The following SAMHD1 variants were observed in gnomAD, a reference collection of about 807,000 sequenced individuals.
The protein encoded by SAMHD1 is deoxynucleoside triphosphate triphosphohydrolase SAMHD1.
A neutral mutation model predicts 79.6 loss-of-function variants in SAMHD1; 54 were observed. The ratio of observed to expected loss-of-function variants is 0.68; its 90% CI spans 0.55 to 0.85. SAMHD1 has a LOEUF of 0.85. SAMHD1 is among the 40% of genes least tolerant of loss of function. The pLI, the probability that SAMHD1 is intolerant of heterozygous loss-of-function variation, is 0.00. For synonymous variants in SAMHD1, 260 were observed against 264.1 expected, an observed-to-expected ratio of 0.98 and a Z score of 0.15; for missense variants, 663 against 782.7, an observed-to-expected ratio of 0.85 and a Z score of 1.82.
At chr20:36,912,866 T>C (rs1302126476) in intron 9 of SAMHD1, among the ~76,000 whole-genome samples, 1 of 132,350 alleles carries the variant, frequency 7.6e-6, no homozygotes, top group Non-Finnish European at 1.6e-5. Context: ...TCAGCCACTG[T>C]ACCCAGCTAA....
chr20:36,919,368 G>T lies in SAMHD1; in HGVS notation c.848C>A (p.Ser283Ter), dbSNP rs1656506214. The T allele has an allele frequency of 1.2e-6, 2 of 1,613,396 alleles. No homozygotes were observed. The highest frequency in any genetic ancestry group is 1.7e-4 in the Middle Eastern group (1 of 6,014). ...TTAAGCTGTACATAAACTTACCAAT[G>T]AATCTTCGACAGGTGATTCAAGTGG... ...VGPLESPVED[S>*]LWPYKGRPEN... Residue 283 changes from serine to a stop codon, truncating the protein, a stop_gained, in exon 7 of 16, where the codon TCA (serine) becomes TAA (stop). Coordinates refer to ENST00000646673, the MANE Select transcript of SAMHD1 (RefSeq NM_015474.4). LOFTEE classifies it high-confidence loss of function.
At chr20:36,939,275 A>AAG (rs2063625403) in intron 3 of SAMHD1, among the ~76,000 whole-genome samples, 1 of 139,888 alleles carries the variant, frequency 7.1e-6, no homozygotes, top group Non-Finnish European at 1.5e-5. Flanking sequence ...AAAAAAAAAA[A>AAG]AAAAGAAAAG....
intron 5 of SAMHD1, 54 bp from the exon 6 acceptor site, chr20:36,927,306 A>G: frequency 7.2e-7 from 1 of 1,393,600 alleles, no homozygotes; most frequent in Admixed American, 1.8e-5. Flanking sequence ...ACCAACAAAA[A>G]CTTTTTCCTT....
chr20:36,924,855 C>A (rs752774967), intron 6 of SAMHD1, among the ~76,000 whole-genome samples: 5 of 151,668 alleles, frequency 3.3e-5, no homozygotes, highest in Admixed American at 6.6e-5. Context: ...ATAGGATGAA[C>A]TATTAAAAAA....
In SAMHD1 at chr20:36,919,480, T is replaced by C; in HGVS notation, c.736A>G (p.Asn246Asp). 6.2e-7 allele frequency: 1 copy of C among 1,613,628 alleles called. No individual in the cohort carries two copies. Among genetic ancestry groups the C allele is most frequent in the South Asian group, 1.1e-5 (1 of 91,066 alleles). The part of the protein sequence containing the change: ...GSVMMFEHLI[N>D]SNGIKPVMEQ... ...ATGACAGGCTTAATTCCATTAGAAT[T>C]AATAAGGTGCTCAAACATCATAACT... Residue 246 changes from asparagine (N) to aspartate (D), a missense_variant, in exon 7 of 16, where the codon AAT becomes GAT. By Grantham distance (23) the Asn-to-Asp change is conservative (BLOSUM62 1). Transcript: ENST00000646673.
At chr20:36,947,492 AGT>A (rs10608624) in intron 1 of SAMHD1, among the ~76,000 whole-genome samples, 9,260 of 35,318 alleles carry the variant, frequency 0.26, 857 homozygotes, top group Middle Eastern at 0.31. Flanking sequence ...TGTGTGTGTG[AGT>A]GTGTGTGTGT....
chr20:36,936,329 G>C (rs2063603411), intron 3 of SAMHD1, among the ~76,000 whole-genome samples: 1 of 152,078 alleles, frequency 6.6e-6, no homozygotes, highest in Non-Finnish European at 1.5e-5. Context: ...GTTTTTCTTA[G>C]AGATAGGGTC....
chr20:36,924,096 T>C (rs2063522393), intron 6 of SAMHD1, among the ~76,000 whole-genome samples: 1 of 151,810 alleles, frequency 6.6e-6, no homozygotes, highest in Non-Finnish European at 1.5e-5. Flanking sequence ...ACAAAAAATA[T>C]AAAAAATTAG....
intron 4 of SAMHD1, 29 bp downstream of exon 4, chr20:36,935,000 G>A (rs749385084): frequency 6.2e-7 from 1 of 1,609,730 alleles, no homozygotes. Flanking sequence ...CTTAAAAACT[G>A]CAAGTTCCCC....
intron 6 of SAMHD1, among the ~76,000 whole-genome samples, chr20:36,920,413 T>C (rs1050773171): frequency 6.6e-6 from 1 of 152,102 alleles, no homozygotes; most frequent in Non-Finnish European, 1.5e-5. Flanking sequence ...CCTATAACTA[T>C]TCTTTCCCCG....
chr20:36,916,731 A>C lies in SAMHD1; in HGVS notation c.1053T>G (p.Ala351=), dbSNP rs1457455157. 4 of 1,610,950 alleles carry C rather than the reference A, an allele frequency of 2.5e-6. No homozygotes were observed. The highest frequency in any genetic ancestry group is 2.5e-6 in the Non-Finnish European group (3 of 1,177,148). The change falls in exon 9 of 16, where the codon GCT becomes GCG. Residue 351 remains alanine, a synonymous_variant. Coordinates refer to ENST00000646673, the MANE Select transcript of SAMHD1 (RefSeq NM_015474.4). ...CEVDNELRIC[A]RDKEVGNLYD... ...CTCTGGCACAGCTTACCTTATCTCT[A>C]GCACAAATACGCAACTCATTGTCTA...
intron 6 of SAMHD1, among the ~76,000 whole-genome samples, chr20:36,924,998 A>T (rs573232558): frequency 1.1e-4 from 16 of 151,988 alleles, no homozygotes; most frequent in Non-Finnish European, 1.8e-4. Context: ...TCTACTAAAA[A>T]TACAAAAGTC....
intron 3 of SAMHD1, chr20:36,940,685 C>T: frequency 3.1e-6 from 1 of 325,846 alleles, no homozygotes; most frequent in South Asian, 2.7e-5. Flanking sequence ...GATGACAGAG[C>T]AAGACCACAT....
intron 15 of SAMHD1, among the ~76,000 whole-genome samples, chr20:36,896,564 T>C (rs748709715): frequency 7.9e-5 from 12 of 152,004 alleles, no homozygotes; most frequent in South Asian, 2.1e-4. Flanking sequence ...TGGCTGGGCA[T>C]GGTGGCTCAC....
At chr20:36,920,458 TCTTAAAAACAGAATCAGGG>T (rs1230124058) in intron 6 of SAMHD1, among the ~76,000 whole-genome samples, 1 of 152,116 alleles carries the variant, frequency 6.6e-6, no homozygotes, top group African/African-American at 2.4e-5. Flanking sequence ...CAGAAACTAT[TCTTAAAAACAGAATCAGGG>T]CTGTCAGGCC....
chr20:36,951,660 C>T lies in SAMHD1; in HGVS notation c.-17G>A. 3 of 1,612,506 alleles carry T rather than the reference C, an allele frequency of 1.9e-6. No homozygotes were observed. Among genetic ancestry groups the T allele is most frequent in the African/African-American group, 1.3e-5 (1 of 75,032 alleles). ...TCGCTGCATGGCTACACCTGGCGTCCGGCACAGCAGTCAAGAACCTCGGCG... is the reference window on the plus strand; with the variant it reads ...TCGCTGCATGGCTACACCTGGCGTCTGGCACAGCAGTCAAGAACCTCGGCG... On this transcript the variant is annotated 5_prime_UTR_variant, in exon 1 of 16. Coordinates refer to ENST00000646673, the MANE Select transcript of SAMHD1 (RefSeq NM_015474.4).
chr20:36,928,672 G>A lies in SAMHD1; in HGVS notation c.626-1420C>T, dbSNP rs374490431. On this transcript the variant is annotated intron_variant, in intron 5 of 15. Transcript: ENST00000646673. ...TGCACTCCAGCCTGGGCAACAGAGC[G>A]AGATTCTGTCTCGGGAAAAAAAAAA... Among the ~76,000 whole-genome samples, 426 of 150,606 alleles carry A rather than the reference G, an allele frequency of 2.8e-3. 2 individuals carry two copies. The highest frequency in any genetic ancestry group is 4.8e-3 in the Admixed American group (72 of 15,068).
At position 36,951,669 on chromosome 20, in the gene SAMHD1, A is replaced by C. The variant is rs763397598; in HGVS notation, c.-26T>G. 1 of 1,612,012 alleles carries C rather than the reference A, an allele frequency of 6.2e-7. No individual in the cohort carries two copies. Among genetic ancestry groups the C allele is most frequent in the Non-Finnish European group, 8.5e-7 (1 of 1,179,940 alleles). ...GGCTACACCTGGCGTCCGGCACAGC[A>C]GTCAAGAACCTCGGCGCCGGACCCG... is the stretch of plus-strand genomic sequence containing the variant. On this transcript the variant is annotated 5_prime_UTR_variant, in exon 1 of 16. Coordinates refer to ENST00000646673, the MANE Select transcript of SAMHD1 (RefSeq NM_015474.4).
At chr20:36,912,201 C>T (rs1243746264) in intron 10 of SAMHD1, 6 of 471,558 alleles carry the variant, frequency 1.3e-5, no homozygotes, top group East Asian at 4.1e-5. Context: ...TGCCGCTTCA[C>T]GTCTGGCCTA....
Sources: allele counts gnomAD v4.1 joint callset (sites outside exome capture counted in the v4.1 genomes callset), GRCh38; gene constraint gnomAD v4.1.1; transcripts MANE v1.5; gene names NCBI Gene and HGNC (gene_info 2026-07-23, HGNC 2026-07-21).